HECW2: variants seen among roughly 807,000 people sequenced by gnomAD.
HECW2 encodes HECT, C2 and WW domain containing E3 ubiquitin protein ligase 2.
Under a neutral mutation model 175.2 loss-of-function variants are expected in HECW2, and 61 were observed. The observed-to-expected ratio is 0.35, with a 90% CI of 0.28 to 0.43. The LOEUF is 0.43. HECW2 is among the 20% of genes least tolerant of loss of function. The pLI, the probability that HECW2 is intolerant of heterozygous loss-of-function variation, is 1.00. For missense variants in HECW2, 1,524 were observed against 2,000.5 expected (o/e 0.76, Z 4.54); for synonymous variants, 671 against 731.0 (o/e 0.92, Z 1.32).
chr2:196,221,648 C>G (rs1241927814), intron 24 of HECW2, among the ~76,000 whole-genome samples: 3 of 152,182 alleles, frequency 2.0e-5, no homozygotes, highest in African/African-American at 4.8e-5. Flanking sequence ...CAGCCTCAAC[C>G]TCTCCAGCTC....
intron 26 of HECW2, chr2:196,218,320 T>G (rs912269972): frequency 3.9e-5 from 6 of 152,198 alleles, no homozygotes; most frequent in Non-Finnish European, 8.8e-5. Flanking sequence ...ACACAGCCGC[T>G]TCTTTACTCA....
chr2:196,587,711 T>A (rs975170534), intron 1 of HECW2, among the ~76,000 whole-genome samples: 2 of 152,198 alleles, frequency 1.3e-5, no homozygotes, highest in African/African-American at 4.8e-5. Flanking sequence ...ATTAACAAAA[T>A]GTAAGCTATA....
chr2:196,504,291 G>A (rs1687677669), intron 1 of HECW2, among the ~76,000 whole-genome samples: 1 of 106,472 alleles, frequency 9.4e-6, no homozygotes, highest in African/African-American at 3.3e-5. Context: ...GTGAAACTCT[G>A]TCTCAAAAAA....
At chr2:196,488,690 A>G (rs1456506811) in intron 1 of HECW2, among the ~76,000 whole-genome samples, 1 of 151,996 alleles carries the variant, frequency 6.6e-6, no homozygotes, top group Non-Finnish European at 1.5e-5. Flanking sequence ...ATAAAACTCT[A>G]AGGGGGAAAG....
At chr2:196,543,615 A>ATT (rs935629351) in intron 1 of HECW2, among the ~76,000 whole-genome samples, 2 of 148,812 alleles carry the variant, frequency 1.3e-5, no homozygotes, top group South Asian at 4.2e-4. Flanking sequence ...TTCTTTTTTT[A>ATT]TTTTTTTTTT....
rs147329112 is a variant in HECW2 at position 196,364,181 on chromosome 2, C to T, written c.293-20417G>A. On this transcript the variant is annotated intron_variant, in intron 2 of 28. Coordinates refer to ENST00000644978, the MANE Select transcript of HECW2 (RefSeq NM_001348768.2). ...CTTCCAAATACCATAACATTTGGTA[C>T]ATATACCACTTTACCTGCGCTCTAG... Among the ~76,000 whole-genome samples, 1,005 of 152,346 alleles carry T rather than the reference C, an allele frequency of 6.6e-3. 8 individuals carry two copies. The highest frequency in any genetic ancestry group is 0.02 in the Middle Eastern group (6 of 294).
chr2:196,466,206 T>C (rs1696946512), intron 1 of HECW2, among the ~76,000 whole-genome samples: 1 of 152,194 alleles, frequency 6.6e-6, no homozygotes, highest in South Asian at 2.1e-4. Context: ...AATATTTGGC[T>C]CCAGAGATTT....
At chr2:196,230,939 TA>T (rs1688030127) in intron 21 of HECW2, among the ~76,000 whole-genome samples, 1 of 151,808 alleles carries the variant, frequency 6.6e-6, no homozygotes, top group African/African-American at 2.4e-5. Flanking sequence ...CCGTCTCTAC[TA>T]AAAATACAAA....
intron 2 of HECW2, among the ~76,000 whole-genome samples, chr2:196,382,187 T>C (rs918244142): frequency 1.3e-4 from 19 of 146,424 alleles, no homozygotes; most frequent in African/African-American, 4.8e-4. Flanking sequence ...TACATGTATG[T>C]ATATGTGTGT....
chr2:196,536,096 A>G (rs150861838), intron 1 of HECW2, among the ~76,000 whole-genome samples: 2 of 152,322 alleles, frequency 1.3e-5, no homozygotes, highest in East Asian at 3.9e-4. Context: ...GACTTACATG[A>G]CTTCCTAAAA....
chr2:196,293,258 T>C (rs4850696), intron 13 of HECW2, among the ~76,000 whole-genome samples: 108,052 of 152,152 alleles, frequency 0.71, 41,788 homozygotes, highest in Non-Finnish European at 0.84. Flanking sequence ...TGGTGTTTGG[T>C]TTTCTGTTCC....
chr2:196,281,106 T>C (rs1053768912), intron 14 of HECW2, among the ~76,000 whole-genome samples: 3 of 152,222 alleles, frequency 2.0e-5, no homozygotes, highest in Non-Finnish European at 4.4e-5. Context: ...CTATGATTTG[T>C]ATGTAGTGTC....
intron 3 of HECW2, among the ~76,000 whole-genome samples, chr2:196,337,385 G>A (rs527538454): frequency 2.7e-5 from 4 of 150,930 alleles, no homozygotes; most frequent in South Asian, 2.1e-4. Flanking sequence ...GCACAGGCAC[G>A]ATGACTGATT....
intron 1 of HECW2, among the ~76,000 whole-genome samples, chr2:196,473,084 A>G (rs1697279800): frequency 6.6e-6 from 1 of 152,258 alleles, no homozygotes; most frequent in Admixed American, 6.5e-5. Flanking sequence ...GATAACTGAT[A>G]GCAATTGATC....
chr2:196,342,601 T>C (rs10195006), intron 3 of HECW2, among the ~76,000 whole-genome samples: 14,105 of 152,118 alleles, frequency 0.093, 1,003 homozygotes, highest in African/African-American at 0.2. Context: ...AGGGACAAGA[T>C]ATTTTTGTGA....
intron 14 of HECW2, among the ~76,000 whole-genome samples, chr2:196,281,251 A>AAG (rs71009095): frequency 0.93 from 142,132 of 152,090 alleles, 66,794 homozygotes; most frequent in Non-Finnish European, 0.98. Context: ...GCCTGGGAGA[A>AAG]AGGGTGCTCA....
chr2:196,441,827 T>C (rs1006043538), intron 1 of HECW2, among the ~76,000 whole-genome samples: 2 of 152,136 alleles, frequency 1.3e-5, no homozygotes, highest in African/African-American at 4.8e-5. Flanking sequence ...AAATGAGAAC[T>C]GAATAGAGAA....
chr2:196,524,831 G>T (rs1293313206), intron 1 of HECW2, among the ~76,000 whole-genome samples: 1 of 116,548 alleles, frequency 8.6e-6, no homozygotes, highest in Non-Finnish European at 1.6e-5. Context: ...ATTGCACTGT[G>T]GTCTGAGAGA....
chr2:196,318,421 GC>G (rs1691784693), intron 9 of HECW2, 130 bp downstream of exon 9: 3 of 1,110,936 alleles, frequency 2.7e-6, no homozygotes, highest in Non-Finnish European at 3.6e-6. Context: ...CTTCTTGCCT[GC>G]TGAACCTCAA....
Sources: allele counts gnomAD v4.1 joint callset (sites outside exome capture counted in the v4.1 genomes callset), GRCh38; gene constraint gnomAD v4.1.1; transcripts MANE v1.5; gene names NCBI Gene and HGNC (gene_info 2026-07-23, HGNC 2026-07-21).